LY86: variants seen among roughly 807,000 people sequenced by gnomAD.
LY86 encodes MD-1, RP105-associated.
In LY86, 20 loss-of-function variants were observed where a neutral mutation model predicts 17.3. That is an observed-to-expected ratio of 1.15 (90% CI 0.81 to 1.68). The LOEUF (loss-of-function observed/expected upper bound fraction) is 1.68, where lower values mean the gene tolerates loss of function less well. Ranked by LOEUF, LY86 falls within the 40% of genes most tolerant of loss-of-function variation. The pLI is 0.00. For synonymous variants in LY86, 74 were observed against 70.6 expected, an observed-to-expected ratio of 1.05 and a Z score of -0.24; for missense variants, 200 against 191.9, an observed-to-expected ratio of 1.04 and a Z score of -0.25.
chr6:6,652,567 T>C (rs1762203741), intron 4 of LY86, among the ~76,000 whole-genome samples: 1 of 152,146 alleles, frequency 6.6e-6, no homozygotes, highest in Non-Finnish European at 1.5e-5. Context: ...TGAATGAAAA[T>C]TTAGGGGATC....
intron 3 of LY86, among the ~76,000 whole-genome samples, chr6:6,638,130 GC>G (rs1040797864): frequency 1.3e-5 from 2 of 152,014 alleles, no homozygotes; most frequent in Non-Finnish European, 2.9e-5. Flanking sequence ...GTAGCTACTG[GC>G]CCCTGCAGCC....
intron 1 of LY86, among the ~76,000 whole-genome samples, chr6:6,616,891 C>T (rs972528507): frequency 6.6e-5 from 10 of 152,170 alleles, no homozygotes; most frequent in African/African-American, 9.7e-5. Flanking sequence ...GCGTAAGAAC[C>T]GCAGACATGA....
intron 1 of LY86, among the ~76,000 whole-genome samples, chr6:6,619,364 T>C (rs1170770789): frequency 1.3e-5 from 2 of 152,248 alleles, no homozygotes; most frequent in Non-Finnish European, 2.9e-5. Flanking sequence ...TCAGACACTC[T>C]GTCTCCAGTG....
At chr6:6,621,086 C>T (rs554913481) in intron 1 of LY86, 1 of 152,122 alleles carries the variant, frequency 6.6e-6, no homozygotes, top group African/African-American at 2.4e-5. Flanking sequence ...ACAGGACAGA[C>T]AGCAAGGGAG....
chr6:6,597,145 T>A (rs1760740416), intron 1 of LY86, among the ~76,000 whole-genome samples: 1 of 152,230 alleles, frequency 6.6e-6, no homozygotes, highest in South Asian at 2.1e-4. Context: ...TGTGAGGTCC[T>A]GGGCATGGTT....
rs541113428 is a variant in LY86 at position 6,643,740 on chromosome 6, G to A, written c.353-5885G>A. On this transcript the variant is annotated intron_variant, in intron 3 of 4. Coordinates refer to ENST00000230568, the MANE Select transcript of LY86 (RefSeq NM_004271.4). ...CACACACAAATGCATGCATGCACAC[G>A]AACACACACGTGCAGGCACACATGT... is the stretch of plus-strand genomic sequence containing the variant. 5.9e-5 allele frequency among the ~76,000 whole-genome samples: 9 copies of A among 152,212 alleles called. No homozygotes were observed. In the South Asian group the frequency reaches 6.2e-4, roughly 11 times the overall value.
chr6:6,617,094 G>A (rs1761573170), intron 1 of LY86, among the ~76,000 whole-genome samples: 1 of 152,206 alleles, frequency 6.6e-6, no homozygotes, highest in African/African-American at 2.4e-5. Context: ...CACATGGACT[G>A]ACTCCAAATT....
At chr6:6,606,075 T>C (rs1327207930) in intron 1 of LY86, among the ~76,000 whole-genome samples, 1 of 152,224 alleles carries the variant, frequency 6.6e-6, no homozygotes. Flanking sequence ...GGCAGCCTGC[T>C]TTTATTCTCA....
intron 3 of LY86, among the ~76,000 whole-genome samples, chr6:6,633,898 G>T (rs58269896): frequency 6.1e-5 from 9 of 148,428 alleles, no homozygotes; most frequent in African/African-American, 2.2e-4. Flanking sequence ...TAAATTGTGT[G>T]TGTGTGTGCA....
chr6:6,614,240 T>C (rs532907572), intron 1 of LY86, among the ~76,000 whole-genome samples: 1 of 152,150 alleles, frequency 6.6e-6, no homozygotes, highest in Non-Finnish European at 1.5e-5. Flanking sequence ...CCAAAATTGC[T>C]GAGAGTGTGA....
intron 3 of LY86, among the ~76,000 whole-genome samples, chr6:6,643,814 C>T (rs1158745988): frequency 2.0e-5 from 3 of 151,716 alleles, no homozygotes; most frequent in Non-Finnish European, 4.4e-5. Context: ...GATATGCTAA[C>T]CACGTTATAC....
chr6:6,631,954 A>T (rs932101629), intron 3 of LY86, among the ~76,000 whole-genome samples: 6 of 152,160 alleles, frequency 3.9e-5, no homozygotes, highest in African/African-American at 1.4e-4. Flanking sequence ...CTTTTGACTG[A>T]TCAGTCCTGC....
intron 1 of LY86, among the ~76,000 whole-genome samples, chr6:6,592,101 A>G (rs1760548331): frequency 6.6e-6 from 1 of 152,176 alleles, no homozygotes. Context: ...CTCCAGGTGG[A>G]GCAATAATTC....
At chr6:6,631,467 A>C (rs1187538585) in intron 3 of LY86, among the ~76,000 whole-genome samples, 1 of 152,222 alleles carries the variant, frequency 6.6e-6, no homozygotes, top group Non-Finnish European at 1.5e-5. Flanking sequence ...GGGCATAACA[A>C]AATTATAGAA....
At chr6:6,624,278 AG>A (rs1423001753) in intron 1 of LY86, among the ~76,000 whole-genome samples, 1 of 152,014 alleles carries the variant, frequency 6.6e-6, no homozygotes, top group African/African-American at 2.4e-5. Context: ...AATGAGCAGA[AG>A]TTGTATGCAG....
At chr6:6,604,430 T>C (rs1192823044) in intron 1 of LY86, among the ~76,000 whole-genome samples, 1 of 152,064 alleles carries the variant, frequency 6.6e-6, no homozygotes, top group Non-Finnish European at 1.5e-5. Flanking sequence ...AATGCAACAT[T>C]TAATTGTTGA....
intron 4 of LY86, among the ~76,000 whole-genome samples, chr6:6,654,089 C>G (rs897220449): frequency 1.3e-5 from 2 of 152,194 alleles, no homozygotes; most frequent in African/African-American, 2.4e-5. Flanking sequence ...CCTCACCCCC[C>G]CCATCCCCCC....
intron 1 of LY86, 46 bp from the exon 2 acceptor site, chr6:6,624,880 A>T: frequency 1.2e-6 from 1 of 868,828 alleles, no homozygotes. Flanking sequence ...ATGTTTGCAA[A>T]ATATACGATG....
chr6:6,626,202 T>C, intron 2 of LY86, 91 bp from the exon 3 acceptor site: 1 of 1,301,348 alleles, frequency 7.7e-7, no homozygotes, highest in South Asian at 1.4e-5. Flanking sequence ...AAACAAAAGG[T>C]TCTTTAGCTC....
Sources: allele counts gnomAD v4.1 joint callset (sites outside exome capture counted in the v4.1 genomes callset), GRCh38; gene constraint gnomAD v4.1.1; transcripts MANE v1.5; gene names NCBI Gene and HGNC (gene_info 2026-07-23, HGNC 2026-07-21).